TLK1: variants seen among roughly 807,000 people sequenced by gnomAD.
The protein encoded by TLK1 is serine/threonine-protein kinase tousled-like 1.
Under a neutral mutation model 105.3 loss-of-function variants are expected in TLK1, and 24 were observed. The ratio of observed to expected loss-of-function variants is 0.23; its 90% CI spans 0.17 to 0.32. TLK1 has a LOEUF of 0.32. Ranked by LOEUF, TLK1 falls within the 10% of genes least tolerant of loss-of-function variation. The pLI is 1.00. For missense variants in TLK1, 558 were observed against 910.5 expected (o/e 0.61, Z 4.98); for synonymous variants, 321 against 310.4 (o/e 1.03, Z -0.36).
chr2:171,161,156 G>A (rs1373073146), upstream of TLK1, among the ~76,000 whole-genome samples: 3 of 148,092 alleles, frequency 2.0e-5, no homozygotes, highest in Admixed American at 6.7e-5. Flanking sequence ...CCGGACTCGC[G>A]TGCGCGGGGG....
chr2:171,082,845 G>T lies in TLK1; in HGVS notation c.266C>A (p.Thr89Lys), dbSNP rs760696984. ...GSCSVGAKAS[T>K]NNESSNHSFG... ...ACTGTGATTAGAGCTTTCGTTATTT[G>T]TTGAGGCCTGTTAAAGATTTTTTAA... Residue 89 changes from threonine (T) to lysine (K), a missense_variant, in exon 3 of 21, where the codon ACA becomes AAA. By Grantham distance (78) the Thr-to-Lys change is moderately conservative. This residue lies in a region of TLK1 where 104 missense variants were observed against 116.0 expected (regional missense o/e 0.90). Coordinates refer to ENST00000431350, the MANE Select transcript of TLK1 (RefSeq NM_012290.5). The T allele has an allele frequency of 6.2e-7, 1 of 1,603,878 alleles. No homozygotes were observed. Among genetic ancestry groups the T allele is most frequent in the East Asian group, 2.2e-5 (1 of 44,474 alleles).
intron 19 of TLK1, 130 bp from the exon 20 acceptor site, chr2:170,996,890 T>G: frequency 1.3e-6 from 1 of 744,220 alleles, no homozygotes; most frequent in South Asian, 2.0e-5. Flanking sequence ...TCCTCAGTTA[T>G]TTGAAACCTG....
intron 3 of TLK1, among the ~76,000 whole-genome samples, chr2:171,074,188 G>A (rs1181624210): frequency 6.6e-6 from 1 of 152,042 alleles, no homozygotes; most frequent in African/African-American, 2.4e-5. Flanking sequence ...GCCCCTCCCG[G>A]CCACATTCCC....
At chr2:171,008,104 G>A (rs1325632265) in intron 14 of TLK1, among the ~76,000 whole-genome samples, 1 of 152,092 alleles carries the variant, frequency 6.6e-6, no homozygotes, top group Non-Finnish European at 1.5e-5. Flanking sequence ...TAAGCAGGAA[G>A]GGATAAGCAG....
At chr2:171,163,704 G>A (rs1165610249), upstream of TLK1, among the ~76,000 whole-genome samples, 1 of 151,896 alleles carries the variant, frequency 6.6e-6, no homozygotes, top group Non-Finnish European at 1.5e-5. Context: ...CTTCTCCAGA[G>A]CTTCAAGTTT....
At chr2:171,186,632 T>C (rs1693030068) in intron 1 of TLK1, among the ~76,000 whole-genome samples, 1 of 152,190 alleles carries the variant, frequency 6.6e-6, no homozygotes, top group Admixed American at 6.5e-5. Flanking sequence ...GAACTGAAAC[T>C]GCAAAGGAAT....
At chr2:171,109,137 C>A (rs191222517) in intron 2 of TLK1, among the ~76,000 whole-genome samples, 1 of 152,096 alleles carries the variant, frequency 6.6e-6, no homozygotes, top group Non-Finnish European at 1.5e-5. Context: ...GAAAAAGATA[C>A]GCCAAGTTGA....
intron 1 of TLK1, among the ~76,000 whole-genome samples, chr2:171,123,123 T>A (rs1203930268): frequency 2.0e-5 from 3 of 151,318 alleles, no homozygotes; most frequent in African/African-American, 7.3e-5. Flanking sequence ...ATGAAAAGAA[T>A]GAAATTCTTT....
chr2:171,213,437 A>G (rs921227952), intron 1 of TLK1, among the ~76,000 whole-genome samples: 3 of 151,746 alleles, frequency 2.0e-5, no homozygotes, highest in African/African-American at 7.3e-5. Context: ...TCCTGGGCTC[A>G]AGCAGTCCTC....
At position 171,055,888 on chromosome 2, in the gene TLK1, T is replaced by C. The variant is rs560153799; in HGVS notation, c.549+583A>G. 3.0e-3 allele frequency among the ~76,000 whole-genome samples: 450 copies of C among 152,184 alleles called. 4 individuals carry two copies. The highest frequency in any genetic ancestry group is 1.9e-3 in the East Asian group (10 of 5,190). ...CTCTTTAAATTACTGAAAACCAATA[T>C]TGTTTTTCTAGTTAGATATTGAACT... is the stretch of plus-strand genomic sequence containing the variant. On this transcript the variant is annotated intron_variant, in intron 6 of 20. Coordinates refer to ENST00000431350, the MANE Select transcript of TLK1 (RefSeq NM_012290.5).
Position 171,188,352 on chromosome 2 carries a change from C to G in TLK1, c.-6+42793G>C, listed in dbSNP as rs887908438. Among the ~76,000 whole-genome samples, 10 of 151,164 alleles carry G rather than the reference C, an allele frequency of 6.6e-5. 2 individuals are homozygous for G. Among genetic ancestry groups the G allele is most frequent in the Non-Finnish European group, 1.5e-5 (1 of 67,782 alleles). Reference sequence around the variant, plus strand: ...TGGGAGGCCAAGGCGGGTGGATGACCTAAGGTCAGGTGTTCAAGACCAGCC... The same window carrying G: ...TGGGAGGCCAAGGCGGGTGGATGACGTAAGGTCAGGTGTTCAAGACCAGCC... On this transcript the variant is annotated intron_variant, in intron 1 of 20. Coordinates refer to the TLK1 transcript ENST00000521943.
chr2:171,137,885 A>G (rs1477515345), intron 1 of TLK1, among the ~76,000 whole-genome samples: 2 of 150,968 alleles, frequency 1.3e-5, no homozygotes, highest in African/African-American at 4.9e-5. Context: ...GTAAAAAATA[A>G]AAAAAAAACT....
intron 1 of TLK1, among the ~76,000 whole-genome samples, chr2:171,202,989 G>C (rs1693432748): frequency 6.6e-6 from 1 of 151,496 alleles, no homozygotes. Flanking sequence ...TGTAAACAAT[G>C]GATTCTCTCT....
intron 1 of TLK1, among the ~76,000 whole-genome samples, chr2:171,131,137 A>G (rs1363174625): frequency 6.6e-6 from 1 of 152,150 alleles, no homozygotes; most frequent in Non-Finnish European, 1.5e-5. Context: ...AGAGATATAT[A>G]GATAGATACA....
chr2:171,122,581 T>A (rs1690696878), intron 1 of TLK1, among the ~76,000 whole-genome samples: 1 of 152,146 alleles, frequency 6.6e-6, no homozygotes, highest in Non-Finnish European at 1.5e-5. Flanking sequence ...TCACAAATAT[T>A]TTAGTCTTTG....
intron 14 of TLK1, among the ~76,000 whole-genome samples, chr2:171,010,783 A>G (rs1415930022): frequency 6.6e-6 from 1 of 152,138 alleles, no homozygotes; most frequent in African/African-American, 2.4e-5. Context: ...AAGGGGTACA[A>G]TCTTTCTATA....
intron 1 of TLK1, among the ~76,000 whole-genome samples, chr2:171,213,909 TA>T (rs1693666314): frequency 6.6e-6 from 1 of 150,742 alleles, no homozygotes. Context: ...ATTTTTTTTT[TA>T]GAGAAGAGGT....
chr2:171,046,540 TA>T (rs1486972455), intron 10 of TLK1, among the ~76,000 whole-genome samples, 178 bp from the exon 11 acceptor site: 25 of 152,352 alleles, frequency 1.6e-4, no homozygotes, highest in African/African-American at 5.8e-4. Context: ...AGAATTTTTT[TA>T]AGTGAGGTAT....
chr2:171,194,045 C>G (rs1015637376), intron 1 of TLK1, among the ~76,000 whole-genome samples: 1 of 152,052 alleles, frequency 6.6e-6, no homozygotes, highest in Non-Finnish European at 1.5e-5. Flanking sequence ...TGGGATTGCC[C>G]TTGTCTTAGC....
Sources: gnomAD v4.1 joint callset for allele counts (sites outside exome capture counted in the v4.1 genomes callset) on GRCh38, gnomAD v4.1.1 for gene constraint, gnomAD v4.1.1 regional missense constraint, MANE v1.5 for transcripts, NCBI Gene and HGNC (gene_info 2026-07-23, HGNC 2026-07-21) for gene names.